The following PYY variants were observed in gnomAD, a reference collection of about 807,000 sequenced individuals.
The protein encoded by PYY is peptide YY.
PYY carries 12 observed loss-of-function variants against 10.3 expected under a neutral mutation model. That is an observed-to-expected ratio of 1.17 (90% CI 0.75 to 1.89). PYY has a LOEUF of 1.89. PYY is among the 40% of genes most tolerant of loss of function. The pLI, the probability that PYY is intolerant of heterozygous loss-of-function variation, is 0.00. For missense variants in PYY, 141 were observed against 134.0 expected, an observed-to-expected ratio of 1.05 and a Z score of -0.26; for synonymous variants, 66 against 62.0, an observed-to-expected ratio of 1.06 and a Z score of -0.30.
chr17:43,977,165 C>T (rs1047787617), intron 1 of PYY, among the ~76,000 whole-genome samples: 1 of 152,194 alleles, frequency 6.6e-6, no homozygotes, highest in Non-Finnish European at 1.5e-5. Context: ...AGCCCATGGC[C>T]TTCAGCGGGG....
At chr17:43,989,161 T>A (rs937285805) in intron 1 of PYY, among the ~76,000 whole-genome samples, 1 of 151,624 alleles carries the variant, frequency 6.6e-6, no homozygotes. Flanking sequence ...GATCACGAGG[T>A]CAGGAGATCA....
intron 1 of PYY, among the ~76,000 whole-genome samples, chr17:43,993,485 G>T (rs990586528): frequency 6.6e-6 from 1 of 151,912 alleles, no homozygotes; most frequent in East Asian, 1.9e-4. Flanking sequence ...AATTAGCCAG[G>T]CATGGTGGGG....
intron 2 of PYY, among the ~76,000 whole-genome samples, chr17:43,960,671 A>C (rs1292107401): frequency 6.7e-6 from 1 of 148,570 alleles, no homozygotes; most frequent in Admixed American, 6.7e-5. Context: ...AACATGGTGA[A>C]ACCCCGTCTC....
At chr17:43,983,848 G>T (rs1433263734) in intron 1 of PYY, among the ~76,000 whole-genome samples, 2 of 152,214 alleles carry the variant, frequency 1.3e-5, no homozygotes, top group Non-Finnish European at 2.9e-5. Flanking sequence ...GCCTCCCCGG[G>T]TCCTCCCCAG....
intron 1 of PYY, among the ~76,000 whole-genome samples, chr17:43,986,321 C>G (rs1278765865): frequency 6.6e-6 from 1 of 152,088 alleles, no homozygotes; most frequent in African/African-American, 2.4e-5. Flanking sequence ...CTTTCCTGAA[C>G]ACGTCGTGCC....
At chr17:43,964,790 T>C (rs1166002939) in intron 2 of PYY, among the ~76,000 whole-genome samples, 3 of 151,414 alleles carry the variant, frequency 2.0e-5, no homozygotes, top group Middle Eastern at 3.4e-3. Flanking sequence ...GCAACAAGAG[T>C]GAAAGTCCGT....
At chr17:43,977,842 G>T (rs12451426) in intron 1 of PYY, among the ~76,000 whole-genome samples, 2 of 152,068 alleles carry the variant, frequency 1.3e-5, no homozygotes, top group Non-Finnish European at 2.9e-5. Flanking sequence ...ATTCTTAAAC[G>T]GGGTTCCTCA....
chr17:43,976,396 C>CATAT lies in PYY; in HGVS notation c.-462-9865_-462-9864insATAT, dbSNP rs2048847169. ...ATATACACATACATGTATACATATACGTATATACATATTCATGTATACATA... is the reference window on the plus strand; with the variant it reads ...ATATACACATACATGTATACATATACATATGTATATACATATTCATGTATACATA... On this transcript the variant is annotated intron_variant, in intron 1 of 6. Transcript: ENST00000360085. Among the ~76,000 whole-genome samples, 15 of 147,022 alleles carry CATAT rather than the reference C, an allele frequency of 1.0e-4. No individual in the cohort carries two copies. In the South Asian group the frequency reaches 3.1e-3, roughly 30 times the overall value.
intron 2 of PYY, among the ~76,000 whole-genome samples, chr17:43,963,369 G>C (rs1226811441): frequency 6.6e-6 from 1 of 151,538 alleles, no homozygotes; most frequent in Admixed American, 6.6e-5. Flanking sequence ...TTATCCAGGC[G>C]TGGTAGCACA....
intron 1 of PYY, among the ~76,000 whole-genome samples, chr17:43,993,924 G>C (rs1397803891): frequency 6.6e-6 from 1 of 152,018 alleles, no homozygotes; most frequent in Non-Finnish European, 1.5e-5. Context: ...CACAATCTCT[G>C]GTCACTGCAG....
At chr17:44,003,102 G>A (rs2049041273) in intron 1 of PYY, among the ~76,000 whole-genome samples, 1 of 152,148 alleles carries the variant, frequency 6.6e-6, no homozygotes, top group African/African-American at 2.4e-5. Context: ...CAGTGGCACA[G>A]TCTCAGTTCA....
chr17:43,964,157 C>T (rs2048738717), intron 2 of PYY, among the ~76,000 whole-genome samples: 1 of 152,176 alleles, frequency 6.6e-6, no homozygotes, highest in African/African-American at 2.4e-5. Context: ...AGGTGCATAC[C>T]ACCACATCTA....
At chr17:43,991,849 G>A (rs1433644578) in intron 1 of PYY, among the ~76,000 whole-genome samples, 3 of 151,244 alleles carry the variant, frequency 2.0e-5, no homozygotes, top group African/African-American at 4.9e-5. Flanking sequence ...GGCCGGGCGC[G>A]GTGGCTCACG....
At chr17:43,958,323 C>T (rs181651390), upstream of PYY, among the ~76,000 whole-genome samples, 1 of 151,794 alleles carries the variant, frequency 6.6e-6, no homozygotes, top group Admixed American at 6.6e-5. Flanking sequence ...AGGGATCCTT[C>T]GGCCTCAGCC....
chr17:43,992,550 A>C (rs1436684584), intron 1 of PYY, among the ~76,000 whole-genome samples: 1 of 152,062 alleles, frequency 6.6e-6, no homozygotes, highest in Non-Finnish European at 1.5e-5. Context: ...ACTACTAAAA[A>C]TACAAAATTA....
chr17:43,954,897 C>T (rs1002788375), upstream of PYY, among the ~76,000 whole-genome samples: 2 of 152,234 alleles, frequency 1.3e-5, no homozygotes, highest in Non-Finnish European at 2.9e-5. Context: ...TCGGGCATCA[C>T]AAGACGATGA....
At chr17:43,963,667 AAG>A (rs1345219895) in intron 2 of PYY, among the ~76,000 whole-genome samples, 8 of 151,766 alleles carry the variant, frequency 5.3e-5, no homozygotes, top group Admixed American at 3.9e-4. Context: ...AAGAAAGAAA[AAG>A]AGAAAAATAA....
chr17:43,983,837 G>C (rs2048898324), intron 1 of PYY, among the ~76,000 whole-genome samples: 1 of 152,170 alleles, frequency 6.6e-6, no homozygotes, highest in East Asian at 1.9e-4. Flanking sequence ...GCACCCCACC[G>C]GCCTCCCCGG....
At chr17:43,953,210 A>G (rs368634392) in intron 2 of PYY, 21 bp from the exon 3 acceptor site, 14 of 1,611,672 alleles carry the variant, frequency 8.7e-6, no homozygotes, top group Middle Eastern at 1.6e-4. Context: ...GGAAGGGAAG[A>G]GCGTGGTCAG....
Sources: allele counts gnomAD v4.1 joint callset (sites outside exome capture counted in the v4.1 genomes callset), GRCh38; gene constraint gnomAD v4.1.1; transcripts MANE v1.5; gene names NCBI Gene and HGNC (gene_info 2026-07-23, HGNC 2026-07-21).